Variants in PIK3R1 observed in about 807,000 individuals in gnomAD.
The protein encoded by PIK3R1 is phosphatidylinositol 3-kinase regulatory subunit alpha.
In PIK3R1, 29 loss-of-function variants were observed where a neutral mutation model predicts 98.0. That is an observed-to-expected ratio of 0.30 (90% CI 0.22 to 0.40). PIK3R1 has a LOEUF of 0.40. Ranked by LOEUF, PIK3R1 falls within the 10% of genes least tolerant of loss-of-function variation. The pLI is 1.00. For synonymous variants in PIK3R1, 282 were observed against 311.8 expected (o/e 0.90, Z 1.01); for missense variants, 596 against 872.7 (o/e 0.68, Z 3.99).
intron 7 of PIK3R1, among the ~76,000 whole-genome samples, chr5:68,281,939 AG>A (rs1746861726): frequency 6.6e-6 from 1 of 152,188 alleles, no homozygotes; most frequent in South Asian, 2.1e-4. Flanking sequence ...TGGATGGGGC[AG>A]CCTAAGAGAG....
chr5:68,299,761 G>A lies in PIK3R1; in HGVS notation c.*2160G>A, dbSNP rs1191433418. 3 of 233,038 alleles carry A rather than the reference G, an allele frequency of 1.3e-5. No individual in the cohort carries two copies. Among genetic ancestry groups the A allele is most frequent in the African/African-American group, 6.6e-5 (3 of 45,326 alleles). 14.4% of individuals were successfully genotyped at this position (233,038 alleles called of 1,614,324 possible). On this transcript the variant is annotated 3_prime_UTR_variant, in exon 16 of 16. Coordinates refer to ENST00000521381, the MANE Select transcript of PIK3R1 (RefSeq NM_181523.3). ...AGTCTTGCAGCTGAGTGAAAAATCT[G>A]TGGAATGTATTATTTGTCCTCTTTA...
intron 2 of PIK3R1, among the ~76,000 whole-genome samples, chr5:68,230,778 T>C (rs2111979265): frequency 6.6e-6 from 1 of 152,300 alleles, no homozygotes. Context: ...TCCCTTTGCA[T>C]GGGGGCTAAA....
Position 68,226,900 on chromosome 5 carries a change from A to G in PIK3R1, c.225A>G (p.Glu75=), listed in dbSNP as rs367698706. 67 of 1,614,002 alleles carry G rather than the reference A, an allele frequency of 4.2e-5. No individual in the cohort carries two copies. Among genetic ancestry groups the G allele is most frequent in the Non-Finnish European group, 5.4e-5 (64 of 1,180,016 alleles). The part of the protein sequence containing the change: ...ERGDFPGTYV[E]YIGRKKISPP... ...GGGACTTTCCGGGAACTTACGTAGA[A>G]TATATTGGAAGGAAAAAAATCTCGC... The change falls in exon 2 of 16, where the codon GAA becomes GAG. Residue 75 remains glutamate, a synonymous_variant. Transcript: ENST00000521381.
chr5:68,262,650 T>C (rs1466718033), intron 2 of PIK3R1, among the ~76,000 whole-genome samples: 1 of 131,832 alleles, frequency 7.6e-6, no homozygotes, highest in East Asian at 2.1e-4. Flanking sequence ...TATACACATG[T>C]ATCTGCATGT....
rs1747854943 is a variant in PIK3R1 at position 68,298,545 on chromosome 5, TTAAAAG to T, written c.*949_*954del. On this transcript the variant is annotated 3_prime_UTR_variant, in exon 16 of 16. Coordinates refer to ENST00000521381, the MANE Select transcript of PIK3R1 (RefSeq NM_181523.3). Reference sequence around the variant, plus strand: ...TAATATTCATTTTTGTTATCCTTTTTTAAAAGTAAATGTACAGGATGCCAGTAAAAA... The same window carrying T: ...TAATATTCATTTTTGTTATCCTTTTTTAAATGTACAGGATGCCAGTAAAAA... 1 of 232,256 alleles carries T rather than the reference TTAAAAG, an allele frequency of 4.3e-6. No individual in the cohort carries two copies. Among genetic ancestry groups the T allele is most frequent in the South Asian group, 1.8e-4 (1 of 5,500 alleles). 14.4% of individuals were successfully genotyped at this position (232,256 alleles called of 1,614,324 possible). A position where few individuals can be genotyped will look rare whatever the true frequency, so the allele number is the denominator to read the frequency against.
intron 2 of PIK3R1, among the ~76,000 whole-genome samples, chr5:68,266,190 C>A (rs1017964873): frequency 1.3e-5 from 2 of 152,210 alleles, no homozygotes; most frequent in Non-Finnish European, 2.9e-5. Context: ...ATCAGGGGAT[C>A]CTTCAATTGC....
rs370778654 is a variant in PIK3R1, at chr5:68,226,797, G to C, written c.122G>C (p.Gly41Ala). The stretch of plus-strand genomic sequence containing the variant: ...AATAAAGGGTCCTTAGTAGCTCTTG[G>C]ATTCAGTGATGGACAGGAAGCCAGG... ...TVNKGSLVAL[G>A]FSDGQEARPE... is the part of the protein sequence containing the mutation. Residue 41 changes from glycine (G) to alanine (A), a missense_variant, in exon 2 of 16, where the codon GGA becomes GCA. Coordinates refer to ENST00000521381, the MANE Select transcript of PIK3R1 (RefSeq NM_181523.3). 1 of 1,614,130 alleles carries C rather than the reference G, an allele frequency of 6.2e-7. No homozygotes were observed. The highest frequency in any genetic ancestry group is 8.5e-7 in the Non-Finnish European group (1 of 1,180,016).
chr5:68,297,267 G>T, intron 15 of PIK3R1, 145 bp from the exon 16 acceptor site: 1 of 617,286 alleles, frequency 1.6e-6, no homozygotes, highest in Non-Finnish European at 2.8e-6. Flanking sequence ...ACCTACCCAA[G>T]GCACTCGGCC....
At chr5:68,236,470 C>T (rs1178957560) in intron 2 of PIK3R1, among the ~76,000 whole-genome samples, 1 of 150,170 alleles carries the variant, frequency 6.7e-6, no homozygotes, top group Non-Finnish European at 1.5e-5. Flanking sequence ...AGGATGGTCT[C>T]GATCTCTTGA....
chr5:68,275,864 G>A (rs1268959346), intron 4 of PIK3R1, among the ~76,000 whole-genome samples: 1 of 152,006 alleles, frequency 6.6e-6, no homozygotes, highest in Non-Finnish European at 1.5e-5. Flanking sequence ...CTAACCTTGT[G>A]AATTACCAGT....
At chr5:68,296,799 T>C (rs1003656708) in intron 15 of PIK3R1, among the ~76,000 whole-genome samples, 1 of 152,194 alleles carries the variant, frequency 6.6e-6, no homozygotes, top group Admixed American at 6.5e-5. Flanking sequence ...TACACCCACA[T>C]TGGATCACTG....
intron 2 of PIK3R1, among the ~76,000 whole-genome samples, chr5:68,229,210 C>A (rs1744388695): frequency 6.6e-6 from 1 of 151,968 alleles, no homozygotes; most frequent in African/African-American, 2.4e-5. Context: ...TTTAAATATT[C>A]CTATGAAGCG....
intron 2 of PIK3R1, among the ~76,000 whole-genome samples, chr5:68,250,441 A>G (rs114371165): frequency 0.01 from 1,577 of 152,338 alleles, 21 homozygotes; most frequent in African/African-American, 0.036. Context: ...TGGGGGGATT[A>G]GATTATTTCC....
chr5:68,276,806 C>T (rs1427677218), intron 4 of PIK3R1, among the ~76,000 whole-genome samples: 1 of 152,158 alleles, frequency 6.6e-6, no homozygotes, highest in Non-Finnish European at 1.5e-5. Flanking sequence ...TGGAAAAGGG[C>T]TTTGATGAAT....
chr5:68,292,777 G>A, intron 8 of PIK3R1: 1 of 1,257,934 alleles, frequency 7.9e-7, no homozygotes, highest in Non-Finnish European at 1.0e-6. Context: ...TCATTTGTCA[G>A]AGAGATTGTA....
intron 7 of PIK3R1, chr5:68,290,823 T>C: frequency 6.2e-7 from 1 of 1,610,332 alleles, no homozygotes; most frequent in Non-Finnish European, 8.5e-7. Flanking sequence ...TATATAGAAA[T>C]GGACCCACCA....
intron 3 of PIK3R1, 97 bp downstream of exon 3, chr5:68,273,579 A>G (rs1333174026): frequency 9.6e-7 from 1 of 1,037,852 alleles, no homozygotes; most frequent in East Asian, 2.4e-5. Context: ...TAAATTTCCT[A>G]CTACCAGCTA....
At chr5:68,271,360 G>A (rs1358344905) in intron 2 of PIK3R1, among the ~76,000 whole-genome samples, 2 of 152,290 alleles carry the variant, frequency 1.3e-5, no homozygotes, top group East Asian at 1.9e-4. Context: ...TCAGGAAATC[G>A]AGTGGTAAAC....
chr5:68,300,756 A>T lies in PIK3R1; in HGVS notation c.*3155A>T, dbSNP rs1405609126. 4.3e-6 allele frequency: 1 copy of T among 233,186 alleles called. No individual in the cohort carries two copies. 14.4% of individuals were successfully genotyped at this position (233,186 alleles called of 1,614,324 possible). A position where few individuals can be genotyped will look rare whatever the true frequency, so the allele number is the denominator to read the frequency against. On this transcript the variant is annotated 3_prime_UTR_variant, in exon 16 of 16. Transcript: ENST00000521381. ...TCTAGTACAATTCTTACTTATGTGT[A>T]TGGGATTTTTCCCTTTGAGGTTGCT... is the stretch of plus-strand genomic sequence containing the variant.
Sources: allele counts gnomAD v4.1 joint callset (sites outside exome capture counted in the v4.1 genomes callset), GRCh38; gene constraint gnomAD v4.1.1; transcripts MANE v1.5; gene names NCBI Gene and HGNC (gene_info 2026-07-23, HGNC 2026-07-21).